The following GNAQ variants were observed in gnomAD, a reference collection of about 807,000 sequenced individuals.
The protein encoded by GNAQ is G protein subunit alpha q.
GNAQ carries 8 observed loss-of-function variants against 43.9 expected under a neutral mutation model. The observed-to-expected ratio is 0.18, with a 90% CI of 0.11 to 0.33. The LOEUF is 0.33. Ranked by LOEUF, GNAQ falls within the 10% of genes least tolerant of loss-of-function variation. The pLI, the probability that GNAQ is intolerant of heterozygous loss-of-function variation, is 1.00. For synonymous variants in GNAQ, 155 were observed against 170.7 expected (o/e 0.91, Z 0.71); for missense variants, 158 against 450.8 (o/e 0.35, Z 5.88).
At chr9:77,884,070 T>G (rs911357478) in intron 2 of GNAQ, among the ~76,000 whole-genome samples, 4 of 152,176 alleles carry the variant, frequency 2.6e-5, no homozygotes, top group Non-Finnish European at 5.9e-5. Flanking sequence ...GGGTGGCTGC[T>G]CTGGGTGAGA....
chr9:77,820,307 T>C (rs1827092704), intron 2 of GNAQ, among the ~76,000 whole-genome samples: 1 of 152,174 alleles, frequency 6.6e-6, no homozygotes, highest in African/African-American at 2.4e-5. Flanking sequence ...GGACGTGAAC[T>C]GTATTTATCA....
In GNAQ at chr9:77,987,307, T is replaced by C. The variant is rs566789214; in HGVS notation, c.136+43793A>G. 2.4e-4 allele frequency among the ~76,000 whole-genome samples: 37 copies of C among 152,244 alleles called. No individual in the cohort carries two copies. The East Asian group carries it at 5.8e-3, about 24-fold the overall frequency. The stretch of plus-strand genomic sequence containing the variant: ...CATGAAAGCCTCTGGGTGCTTGCTT[T>C]CAAGGACTTCTGAAATGGTAGGAGT... On this transcript the variant is annotated intron_variant, in intron 1 of 6. Transcript: ENST00000286548.
chr9:77,954,901 A>C (rs1295781173), intron 1 of GNAQ, among the ~76,000 whole-genome samples: 1 of 152,216 alleles, frequency 6.6e-6, no homozygotes, highest in Non-Finnish European at 1.5e-5. Context: ...GTCACCAGAG[A>C]AAATTCCATA....
chr9:77,949,915 G>A (rs1329283658), intron 1 of GNAQ, among the ~76,000 whole-genome samples: 1 of 152,064 alleles, frequency 6.6e-6, no homozygotes, highest in Non-Finnish European at 1.5e-5. Context: ...CTTGGAAGAA[G>A]CTATCCTCAA....
At chr9:77,760,779 C>T (rs529143870) in intron 5 of GNAQ, among the ~76,000 whole-genome samples, 3 of 151,584 alleles carry the variant, frequency 2.0e-5, no homozygotes, top group South Asian at 4.2e-4. Context: ...TCTTCCCGGC[C>T]GCCATCCCAT....
chr9:77,766,177 C>A (rs148996139), intron 5 of GNAQ, among the ~76,000 whole-genome samples: 8 of 152,218 alleles, frequency 5.3e-5, no homozygotes, highest in African/African-American at 1.7e-4. Context: ...TTTAGTATCA[C>A]TGAACTGTAT....
chr9:78,003,583 G>A (rs968566444), intron 1 of GNAQ, among the ~76,000 whole-genome samples: 1 of 152,156 alleles, frequency 6.6e-6, no homozygotes, highest in African/African-American at 2.4e-5. Context: ...GGGAGGCCGA[G>A]GCGGGCAGAT....
At chr9:77,981,427 A>G (rs1414129010) in intron 1 of GNAQ, among the ~76,000 whole-genome samples, 2 of 152,222 alleles carry the variant, frequency 1.3e-5, no homozygotes, top group Admixed American at 6.5e-5. Context: ...TGTGCCCTAC[A>G]GGCCATGTGA....
chr9:77,983,389 A>T (rs949542619), intron 1 of GNAQ, among the ~76,000 whole-genome samples: 1 of 152,058 alleles, frequency 6.6e-6, no homozygotes, highest in Non-Finnish European at 1.5e-5. Context: ...TTCCCTCCCA[A>T]ATTCCTCCAT....
At chr9:77,957,533 G>C (rs1253081042) in intron 1 of GNAQ, among the ~76,000 whole-genome samples, 2 of 152,146 alleles carry the variant, frequency 1.3e-5, no homozygotes, top group Non-Finnish European at 2.9e-5. Context: ...CTGATGAGAA[G>C]TGAATGCTCC....
In GNAQ at chr9:77,997,301, A is replaced by G. The variant is rs748226480; in HGVS notation, c.136+33799T>C. 4.6e-5 allele frequency among the ~76,000 whole-genome samples: 7 copies of G among 152,208 alleles called. No homozygotes were observed. The East Asian group carries it at 1.3e-3, about 29-fold the overall frequency. Reference sequence around the variant, plus strand: ...CACCCTTTTCTATAAAATGTCAATTAGAAGGCCTTCAGCCCCCTCCTACAT... The same window carrying G: ...CACCCTTTTCTATAAAATGTCAATTGGAAGGCCTTCAGCCCCCTCCTACAT... On this transcript the variant is annotated intron_variant, in intron 1 of 6. Transcript: ENST00000286548.
intron 2 of GNAQ, among the ~76,000 whole-genome samples, chr9:77,833,195 T>C (rs750004376): frequency 1.8e-4 from 28 of 152,136 alleles, no homozygotes; most frequent in Non-Finnish European, 3.4e-4. Flanking sequence ...CTCAAACTCC[T>C]GACCTCAAGT....
chr9:77,805,551 C>T (rs555774140), intron 3 of GNAQ, among the ~76,000 whole-genome samples: 2 of 151,862 alleles, frequency 1.3e-5, no homozygotes, highest in South Asian at 2.1e-4. Context: ...ATTACATGCG[C>T]GCAGCACCAG....
At chr9:77,805,972 G>C (rs1477201666) in intron 3 of GNAQ, among the ~76,000 whole-genome samples, 5 of 152,142 alleles carry the variant, frequency 3.3e-5, no homozygotes, top group African/African-American at 1.2e-4. Flanking sequence ...GAATCTGAAA[G>C]TCTGACATAA....
chr9:77,727,662 G>A (rs1241783248), intron 6 of GNAQ, among the ~76,000 whole-genome samples: 1 of 152,148 alleles, frequency 6.6e-6, no homozygotes, highest in Non-Finnish European at 1.5e-5. Flanking sequence ...AGTGTCCTAC[G>A]TGTCAGGCAT....
intron 2 of GNAQ, among the ~76,000 whole-genome samples, chr9:77,821,521 C>T (rs562900577): frequency 1.3e-5 from 2 of 152,170 alleles, no homozygotes; most frequent in East Asian, 3.9e-4. Flanking sequence ...GTATCAATGA[C>T]ATTGTAGGTC....
chr9:77,786,675 A>G (rs1826486380), intron 5 of GNAQ, among the ~76,000 whole-genome samples: 1 of 152,226 alleles, frequency 6.6e-6, no homozygotes, highest in African/African-American at 2.4e-5. Flanking sequence ...GAACAGACGG[A>G]TAATGCCAAG....
At chr9:78,016,007 A>C (rs1421789520) in intron 1 of GNAQ, among the ~76,000 whole-genome samples, 1 of 152,226 alleles carries the variant, frequency 6.6e-6, no homozygotes, top group African/African-American at 2.4e-5. Flanking sequence ...CAATGAGAAA[A>C]GAATACGTTT....
rs576961872 is a variant in GNAQ, at chr9:77,730,358, G to A, written c.736-1691C>T. On this transcript the variant is annotated intron_variant, in intron 5 of 6. Transcript: ENST00000286548. ...GATGCTCCTGGAATTTCACAGTGAA[G>A]AGTTACAAAGGCCATGTATTGCTCC... Among the ~76,000 whole-genome samples, 5 of 152,286 alleles carry A rather than the reference G, an allele frequency of 3.3e-5. No homozygotes were observed. In the East Asian group the frequency reaches 7.7e-4, roughly 24 times the overall value.
Sources: gnomAD v4.1 joint callset for allele counts (sites outside exome capture counted in the v4.1 genomes callset) on GRCh38, gnomAD v4.1.1 for gene constraint, MANE v1.5 for transcripts, NCBI Gene and HGNC (gene_info 2026-07-23, HGNC 2026-07-21) for gene names.